PCDH15: variants seen among roughly 807,000 people sequenced by gnomAD.
PCDH15 encodes the protein protocadherin-15.
A neutral mutation model predicts 178.5 loss-of-function variants in PCDH15; 129 were observed. The observed-to-expected ratio is 0.72, with a 90% CI of 0.63 to 0.84. The LOEUF (loss-of-function observed/expected upper bound fraction) is 0.84, where lower values mean the gene tolerates loss of function less well. Among genes scored for constraint, PCDH15 ranks in the 40% least tolerant of loss-of-function variants. The pLI, the probability that PCDH15 is intolerant of heterozygous loss-of-function variation, is 0.00. For missense variants in PCDH15, 2,230 were observed against 2,099.9 expected (o/e 1.06, Z -1.21); for synonymous variants, 800 against 732.0 (o/e 1.09, Z -1.50).
At chr10:54,312,814 C>A (rs2060992254) in intron 8 of PCDH15, among the ~76,000 whole-genome samples, 1 of 152,034 alleles carries the variant, frequency 6.6e-6, no homozygotes, top group Admixed American at 6.6e-5. Context: ...GCTTAGTGAG[C>A]AAATTAAATG....
At position 54,518,439 on chromosome 10, in the gene PCDH15, G is replaced by A. The variant is rs189019797; in HGVS notation, c.157+9373C>T. Among the ~76,000 whole-genome samples the A allele has an allele frequency of 5.4e-3, 816 of 152,122 alleles. 4 individuals carry two copies. The highest frequency in any genetic ancestry group is 8.1e-3 in the Non-Finnish European group (554 of 67,988). ...CAGAGAATACTACAAACACCTCTAC[G>A]CAAATAAACTGGAAAATCTAGAAGA... On this transcript the variant is annotated intron_variant, in intron 3 of 37. Coordinates refer to ENST00000644397, the MANE Select transcript of PCDH15 (RefSeq NM_001384140.1).
chr10:54,779,758 C>A (rs1038881569), intron 1 of PCDH15, among the ~76,000 whole-genome samples: 1 of 151,808 alleles, frequency 6.6e-6, no homozygotes, highest in Admixed American at 6.6e-5. Flanking sequence ...GGACTTCATT[C>A]ATTCAATTGG....
intron 1 of PCDH15, among the ~76,000 whole-genome samples, chr10:54,701,710 A>G (rs766228802): frequency 1.6e-4 from 24 of 152,070 alleles, no homozygotes; most frequent in Non-Finnish European, 2.1e-4. Flanking sequence ...GACAAAGAAG[A>G]GCATTACATA....
chr10:55,544,956 A>C (rs919638979), intron 2 of PCDH15, among the ~76,000 whole-genome samples: 5 of 152,182 alleles, frequency 3.3e-5, no homozygotes, highest in Non-Finnish European at 7.3e-5. Context: ...CAAACCTTGG[A>C]ACCAGAAAAC....
At chr10:54,755,093 T>G (rs930731871) in intron 1 of PCDH15, among the ~76,000 whole-genome samples, 2 of 151,888 alleles carry the variant, frequency 1.3e-5, no homozygotes, top group Non-Finnish European at 2.9e-5. Context: ...CCATCACACC[T>G]GGCTTATTTT....
At chr10:55,280,148 TAG>T (rs1353455862) in intron 1 of PCDH15, among the ~76,000 whole-genome samples, 1 of 151,870 alleles carries the variant, frequency 6.6e-6, no homozygotes, top group Non-Finnish European at 1.5e-5. Context: ...TTTCATGATA[TAG>T]AGAGAGCTGG....
chr10:55,215,732 T>A (rs1840686048), intron 1 of PCDH15, among the ~76,000 whole-genome samples: 1 of 151,990 alleles, frequency 6.6e-6, no homozygotes, highest in African/African-American at 2.4e-5. Context: ...AGTGAGCAAT[T>A]TTATGAACAT....
At chr10:54,058,807 C>T (rs2093955492) in intron 18 of PCDH15, among the ~76,000 whole-genome samples, 1 of 151,970 alleles carries the variant, frequency 6.6e-6, no homozygotes, top group Non-Finnish European at 1.5e-5. Context: ...TATTCTCCTG[C>T]CTCAGCCTTC....
At position 54,306,621 on chromosome 10, in the gene PCDH15, C is replaced by G. The variant is rs147347412; in HGVS notation, c.876+10650G>C. On this transcript the variant is annotated intron_variant, in intron 8 of 37. Transcript: ENST00000644397. Reference sequence around the variant, plus strand: ...ATGTTAATATCATCTGAAAGCATACCTTCACATCAATATCTAGATATATTT... The same window carrying G: ...ATGTTAATATCATCTGAAAGCATACGTTCACATCAATATCTAGATATATTT... 2.9e-3 allele frequency among the ~76,000 whole-genome samples: 437 copies of G among 151,962 alleles called. 1 individual carries two copies. The highest frequency in any genetic ancestry group is 4.5e-3 in the Non-Finnish European group (308 of 67,922).
At chr10:54,724,541 TA>T (rs955251937) in intron 1 of PCDH15, among the ~76,000 whole-genome samples, 4 of 151,430 alleles carry the variant, frequency 2.6e-5, no homozygotes, top group South Asian at 2.1e-4. Context: ...AAATTAAAAT[TA>T]AAAAAAGAAA....
Position 54,421,914 on chromosome 10 carries a change from A to ATATATATACAC in PCDH15, c.158-42973_158-42972insGTGTATATATA, listed in dbSNP as rs1955537136. Among the ~76,000 whole-genome samples, 15 of 20,676 alleles carry ATATATATACAC rather than the reference A, an allele frequency of 7.3e-4. 2 individuals carry two copies. The highest frequency in any genetic ancestry group is 0.11 in the Middle Eastern group (2 of 18). The allele number at this position is 20,676 out of a possible 152,430, so 13.6% of individuals were successfully genotyped here. On this transcript the variant is annotated intron_variant, in intron 3 of 37. Coordinates refer to ENST00000644397, the MANE Select transcript of PCDH15 (RefSeq NM_001384140.1). ...CACACACTATATATATATATACACT[A>ATATATATACAC]TATATATATATACACTATATATATA...
upstream of PCDH15, among the ~76,000 whole-genome samples, chr10:55,323,394 T>G (rs528428995): frequency 6.6e-6 from 1 of 152,170 alleles, no homozygotes; most frequent in Non-Finnish European, 1.5e-5. Flanking sequence ...TGACAGCTTC[T>G]ACTGTGTGCT....
At chr10:54,466,276 C>T (rs2077511480) in intron 3 of PCDH15, among the ~76,000 whole-genome samples, 1 of 151,902 alleles carries the variant, frequency 6.6e-6, no homozygotes, top group South Asian at 2.1e-4. Flanking sequence ...TGAAGTGTTT[C>T]CCCAAAGTTT....
chr10:54,030,322 A>AT (rs562524783), intron 18 of PCDH15, among the ~76,000 whole-genome samples: 72 of 151,346 alleles, frequency 4.8e-4, no homozygotes, highest in African/African-American at 1.7e-3. Context: ...GTGAAAATAC[A>AT]TTTTTAAAAT....
chr10:54,107,736 G>A (rs1279204800), intron 15 of PCDH15, among the ~76,000 whole-genome samples: 3 of 152,100 alleles, frequency 2.0e-5, no homozygotes, highest in Admixed American at 2.0e-4. Flanking sequence ...GGGTGTTGTG[G>A]AAGTGATCAA....
chr10:55,381,510 A>G (rs1038929160), intron 2 of PCDH15, among the ~76,000 whole-genome samples: 5 of 152,094 alleles, frequency 3.3e-5, no homozygotes, highest in Non-Finnish European at 2.9e-5. Flanking sequence ...AACAGAGCAT[A>G]CTGGAGAACA....
At chr10:54,455,041 G>T (rs1305799295) in intron 3 of PCDH15, among the ~76,000 whole-genome samples, 2 of 152,046 alleles carry the variant, frequency 1.3e-5, no homozygotes, top group East Asian at 3.9e-4. Context: ...TTTATAAGGG[G>T]TTTTTCCCTT....
intron 2 of PCDH15, among the ~76,000 whole-genome samples, chr10:55,471,721 T>C (rs1038024117): frequency 2.6e-5 from 4 of 152,214 alleles, no homozygotes; most frequent in African/African-American, 7.2e-5. Context: ...CTGAATATTA[T>C]AGCGGAAGCT....
intron 1 of PCDH15, among the ~76,000 whole-genome samples, chr10:55,317,994 T>C (rs1843771926): frequency 6.6e-6 from 1 of 152,174 alleles, no homozygotes; most frequent in Non-Finnish European, 1.5e-5. Flanking sequence ...GGAAAAATTG[T>C]CGTCTACATA....
Sources: gnomAD v4.1 joint callset for allele counts (sites outside exome capture counted in the v4.1 genomes callset) on GRCh38, gnomAD v4.1.1 for gene constraint, MANE v1.5 for transcripts, NCBI Gene and HGNC (gene_info 2026-07-23, HGNC 2026-07-21) for gene names.